The following ABHD2 variants were observed in gnomAD, a reference collection of about 807,000 sequenced individuals.
ABHD2 encodes abhydrolase domain containing 2, acylglycerol lipase, also known as monoacylglycerol lipase ABHD2.
A neutral mutation model predicts 48.1 loss-of-function variants in ABHD2; 20 were observed. That is an observed-to-expected ratio of 0.42 (90% CI 0.29 to 0.60). The LOEUF is 0.60. ABHD2 is among the 20% of genes least tolerant of loss of function. The probability of loss-of-function intolerance (pLI) is 0.24; values close to 1 mark genes in which losing one functional copy is unlikely to be tolerated. For synonymous variants in ABHD2, 209 were observed against 214.2 expected (o/e 0.98, Z 0.21); for missense variants, 405 against 550.9 (o/e 0.74, Z 2.65).
At chr15:89,139,128 T>C (rs1238972755) in intron 3 of ABHD2, among the ~76,000 whole-genome samples, 3 of 152,172 alleles carry the variant, frequency 2.0e-5, no homozygotes, top group African/African-American at 7.2e-5. Context: ...GGAGGATTGC[T>C]TGAGCATGGG....
intron 5 of ABHD2, among the ~76,000 whole-genome samples, chr15:89,163,603 C>G (rs552029680): frequency 5.3e-5 from 8 of 152,350 alleles, no homozygotes; most frequent in South Asian, 2.1e-4. Flanking sequence ...TTAACCCTAA[C>G]TTAATACCAC....
the ABHD2 span, among the ~76,000 whole-genome samples, chr15:89,072,026 T>A: frequency 1.1e-4 from 17 of 152,348 alleles, no homozygotes; most frequent in East Asian, 3.3e-3. Flanking sequence ...CAAACTGGGA[T>A]AGCTGGTCAC....
chr15:89,141,318 G>A lies in ABHD2; in HGVS notation c.195-10359G>A, dbSNP rs541496599. ...CTTTTAACTTGAGAACCAAGCTGCG[G>A]GCGACATGTGACCCCACTATAAAAA... On this transcript the variant is annotated intron_variant, in intron 3 of 10. Transcript: ENST00000352732. 2.0e-5 allele frequency among the ~76,000 whole-genome samples: 3 copies of A among 152,196 alleles called. No homozygotes were observed. In the East Asian group the frequency reaches 5.8e-4, roughly 29 times the overall value.
chr15:89,106,591 G>A lies in ABHD2; in HGVS notation c.-106-7134G>A, dbSNP rs1426819002. Among the ~76,000 whole-genome samples, 6 of 152,140 alleles carry A rather than the reference G, an allele frequency of 3.9e-5. No homozygotes were observed. Among genetic ancestry groups the A allele is most frequent in the Non-Finnish European group, 7.4e-5 (5 of 68,020 alleles). ...GCACAACTCAGACGGGGATGGCTAG[G>A]CCTTCTCCCCAAAATCATCTGGGCT... On this transcript the variant is annotated intron_variant, in intron 1 of 10. Transcript: ENST00000352732. This position sits in a 1 kb window ranked among gnomAD's most constrained non-coding sequence, Gnocchi z 4.2.
At position 89,137,746 on chromosome 15, in the gene ABHD2, T is replaced by C. The variant is rs1242287091; in HGVS notation, c.195-13931T>C. On this transcript the variant is annotated intron_variant, in intron 3 of 10. Transcript: ENST00000352732. This position sits in a 1 kb window ranked among gnomAD's most constrained non-coding sequence, Gnocchi z 4.8. ...TGAGGGGAAAATGCTGTGTTCAAAG[T>C]GGATTTCTGATGAGCCTATTAATGG... Among the ~76,000 whole-genome samples the C allele has an allele frequency of 6.6e-6, 1 of 152,178 alleles. No homozygotes were observed. Among genetic ancestry groups the C allele is most frequent in the Admixed American group, 6.5e-5 (1 of 15,280 alleles).
chr15:89,141,705 T>A (rs2050405783), intron 3 of ABHD2, among the ~76,000 whole-genome samples: 1 of 152,176 alleles, frequency 6.6e-6, no homozygotes, highest in Non-Finnish European at 1.5e-5. Flanking sequence ...TGTTGTTTAG[T>A]ACTTGCCTGA....
At position 89,154,487 on chromosome 15, in the gene ABHD2, A is replaced by G. The variant is rs12101883; in HGVS notation, c.371-880A>G. On this transcript the variant is annotated intron_variant, in intron 4 of 10. Coordinates refer to ENST00000352732, the MANE Select transcript of ABHD2 (RefSeq NM_152924.5). Reference sequence around the variant, plus strand: ...CACAAGGTACTAACAGTATACAGTGAAAGTATCTCTCTCTCTGTCCTCTAC... The same window carrying G: ...CACAAGGTACTAACAGTATACAGTGGAAGTATCTCTCTCTCTGTCCTCTAC... Among the ~76,000 whole-genome samples, 951 of 152,242 alleles carry G rather than the reference A, an allele frequency of 6.2e-3. 12 individuals are homozygous for G. The highest frequency in any genetic ancestry group is 0.021 in the African/African-American group (883 of 41,574).
rs937667091 is a variant in ABHD2 at position 89,179,779 on chromosome 15, C to T, written c.722+3784C>T. 1.3e-5 allele frequency among the ~76,000 whole-genome samples: 2 copies of T among 152,174 alleles called. No individual in the cohort carries two copies. The highest frequency in any genetic ancestry group is 1.3e-4 in the Admixed American group (2 of 15,276). On this transcript the variant is annotated intron_variant, in intron 6 of 10. Coordinates refer to ENST00000352732, the MANE Select transcript of ABHD2 (RefSeq NM_152924.5). This position sits in a 1 kb window ranked among gnomAD's most constrained non-coding sequence, Gnocchi z 4.3. ...TAGGGGAATTATCAGAGGAGTGTTTCAAATCTCCTTAAAGGCACATTATAC... is the reference window on the plus strand; with the variant it reads ...TAGGGGAATTATCAGAGGAGTGTTTTAAATCTCCTTAAAGGCACATTATAC...
chr15:89,074,691 G>T, the ABHD2 span, among the ~76,000 whole-genome samples: 1 of 152,134 alleles, frequency 6.6e-6, no homozygotes, highest in Non-Finnish European at 1.5e-5. Flanking sequence ...GCTGCCCCCA[G>T]GCCTGTATGA....
At position 89,201,185 on chromosome 15, in the gene ABHD2, G is replaced by A. The variant is rs1009846143; in HGVS notation, c.*5762G>A. On this transcript the variant is annotated 3_prime_UTR_variant, in exon 11 of 11. Transcript: ENST00000352732. ...GAAGGATGCAGTTGAGGTTGATCCA[G>A]GTTTATCCGAATATGCTACCTTTCT... The A allele has an allele frequency of 6.8e-7, 1 of 1,475,018 alleles. No homozygotes were observed. Among genetic ancestry groups the A allele is most frequent in the Non-Finnish European group, 9.5e-7 (1 of 1,056,016 alleles). The allele number at this position is 1,475,018 out of a possible 1,614,324, so 91.4% of individuals were successfully genotyped here. A position where few individuals can be genotyped will look rare whatever the true frequency, so the allele number is the denominator to read the frequency against.
At chr15:89,048,529 G>T in the ABHD2 span, among the ~76,000 whole-genome samples, 13 of 152,040 alleles carry the variant, frequency 8.6e-5, no homozygotes, top group African/African-American at 2.9e-4. Flanking sequence ...TCACTTTCAG[G>T]TACACCAATC....
At chr15:89,064,953 C>G in the ABHD2 span, among the ~76,000 whole-genome samples, 1 of 152,094 alleles carries the variant, frequency 6.6e-6, no homozygotes, top group Non-Finnish European at 1.5e-5. Context: ...CCTCTCATCC[C>G]CCGAGAGGGA....
chr15:89,158,193 A>C (rs1158744874), intron 5 of ABHD2, among the ~76,000 whole-genome samples: 1 of 152,206 alleles, frequency 6.6e-6, no homozygotes, highest in African/African-American at 2.4e-5. Context: ...TTATCTCCAC[A>C]GCAACCCATG....
chr15:89,044,648 T>C, the ABHD2 span, among the ~76,000 whole-genome samples: 4 of 151,768 alleles, frequency 2.6e-5, no homozygotes, highest in East Asian at 1.9e-4. Flanking sequence ...ATTTCTCTGA[T>C]GGCCAGTGAT....
rs1180934531 is a variant in ABHD2, at chr15:89,189,881, A to G, written c.927-1199A>G. The stretch of plus-strand genomic sequence containing the variant: ...CACTCTCTAAAGTCTTTCCTCTTTA[A>G]TAGCGTTGGAAAATAGCAGTTTTAT... On this transcript the variant is annotated intron_variant, in intron 8 of 10. Transcript: ENST00000352732. The surrounding 1 kb of genome is among the most constrained non-coding windows in gnomAD (Gnocchi z 4.9). Among the ~76,000 whole-genome samples, 1 of 152,178 alleles carries G rather than the reference A, an allele frequency of 6.6e-6. No individual in the cohort carries two copies. Among genetic ancestry groups the G allele is most frequent in the Non-Finnish European group, 1.5e-5 (1 of 68,030 alleles).
At chr15:89,126,748 C>T (rs1055122988) in intron 3 of ABHD2, among the ~76,000 whole-genome samples, 6 of 152,200 alleles carry the variant, frequency 3.9e-5, no homozygotes, top group East Asian at 1.9e-4. Context: ...GAAGAGCTGA[C>T]GGCTGTTTAC....
At chr15:89,086,106 C>T (rs147186598), upstream of ABHD2, among the ~76,000 whole-genome samples, 46 of 152,282 alleles carry the variant, frequency 3.0e-4, no homozygotes, top group African/African-American at 1.1e-3. Flanking sequence ...AATCTCACTG[C>T]AGCCTCTGCT....
At chr15:89,154,755 T>G (rs560492906) in intron 4 of ABHD2, among the ~76,000 whole-genome samples, 73 of 152,260 alleles carry the variant, frequency 4.8e-4, no homozygotes, top group Non-Finnish European at 9.4e-4. Context: ...CACTTAGATA[T>G]GCAATAATTT....
chr15:89,065,372 T>C, the ABHD2 span, among the ~76,000 whole-genome samples: 2 of 152,138 alleles, frequency 1.3e-5, no homozygotes, highest in Non-Finnish European at 2.9e-5. Flanking sequence ...TTAGGAGGCT[T>C]CAACAGAATT....
Sources: allele counts gnomAD v4.1 joint callset (sites outside exome capture counted in the v4.1 genomes callset), GRCh38; gene constraint gnomAD v4.1.1; non-coding constraint Gnocchi (gnomAD v3.1); transcripts MANE v1.5; gene names NCBI Gene and HGNC (gene_info 2026-07-23, HGNC 2026-07-21).